The following DTNA variants were observed in gnomAD, a reference collection of about 807,000 sequenced individuals.
DTNA encodes the protein dystrophin-related protein 3.
DTNA carries 43 observed loss-of-function variants against 100.7 expected under a neutral mutation model. The ratio of observed to expected loss-of-function variants is 0.43; its 90% CI spans 0.33 to 0.55. DTNA has a LOEUF of 0.55. Among genes scored for constraint, DTNA ranks in the 20% least tolerant of loss-of-function variants. The pLI is 0.04. For missense variants in DTNA, 798 were observed against 953.9 expected (o/e 0.84, Z 2.15); for synonymous variants, 349 against 347.9 (o/e 1.00, Z -0.04).
At chr18:34,613,590 T>C (rs140423864) in intron 1 of DTNA, among the ~76,000 whole-genome samples, 103 of 152,294 alleles carry the variant, frequency 6.8e-4, no homozygotes, top group African/African-American at 2.4e-3. Flanking sequence ...ATTGCTGATA[T>C]AAAGAAAATT....
chr18:34,845,131 C>T (rs1304291216), intron 13 of DTNA, among the ~76,000 whole-genome samples: 2 of 152,122 alleles, frequency 1.3e-5, no homozygotes, highest in East Asian at 3.9e-4. Context: ...TCATTTTCAA[C>T]TATTTGTAAT....
At chr18:34,538,994 A>G (rs2043989998) in intron 1 of DTNA, among the ~76,000 whole-genome samples, 1 of 152,042 alleles carries the variant, frequency 6.6e-6, no homozygotes, top group Non-Finnish European at 1.5e-5. Context: ...GTTCAACAGA[A>G]CAAAAGGGAA....
intron 1 of DTNA, among the ~76,000 whole-genome samples, chr18:34,672,589 G>C (rs912395242): frequency 6.6e-6 from 1 of 152,114 alleles, no homozygotes; most frequent in Non-Finnish European, 1.5e-5. Context: ...GAATAAAGGA[G>C]CGTTCAGCCA....
At chr18:34,557,626 C>T (rs1446675061) in intron 1 of DTNA, among the ~76,000 whole-genome samples, 9 of 151,388 alleles carry the variant, frequency 5.9e-5, no homozygotes, top group Non-Finnish European at 1.0e-4. Flanking sequence ...AATACCCTGC[C>T]GTGTGAGGTG....
At chr18:34,875,150 C>T (rs1429322403) in intron 17 of DTNA, 89 bp from the exon 18 acceptor site, 7 of 1,544,082 alleles carry the variant, frequency 4.5e-6, no homozygotes, top group East Asian at 2.3e-5. Flanking sequence ...ATTTCATTGT[C>T]ACTGTTTTCA....
intron 3 of DTNA, among the ~76,000 whole-genome samples, chr18:34,773,810 G>T (rs1026061639): frequency 2.6e-5 from 4 of 152,182 alleles, no homozygotes; most frequent in African/African-American, 9.7e-5. Flanking sequence ...GAAAAGCAAT[G>T]ATTTTAAAGT....
intron 16 of DTNA, among the ~76,000 whole-genome samples, chr18:34,861,575 G>A (rs1048665125): frequency 6.7e-6 from 1 of 150,364 alleles, no homozygotes; most frequent in Non-Finnish European, 1.5e-5. Flanking sequence ...CAGAATAAAG[G>A]CACTTCTTTA....
intron 1 of DTNA, among the ~76,000 whole-genome samples, chr18:34,585,242 T>C (rs2049009853): frequency 6.6e-6 from 1 of 151,820 alleles, no homozygotes; most frequent in Non-Finnish European, 1.5e-5. Flanking sequence ...ACAAAAAGCA[T>C]GAGGGTACTA....
intron 4 of DTNA, among the ~76,000 whole-genome samples, chr18:34,802,081 G>A (rs1032710214): frequency 6.6e-6 from 1 of 152,222 alleles, no homozygotes; most frequent in African/African-American, 2.4e-5. Flanking sequence ...AATTGCACAT[G>A]AAGTTGAAGG....
chr18:34,703,897 T>C (rs1422972849), intron 1 of DTNA, among the ~76,000 whole-genome samples: 1 of 152,226 alleles, frequency 6.6e-6, no homozygotes, highest in African/African-American at 2.4e-5. Flanking sequence ...CCTTCTTTTC[T>C]ATTCTCCCCT....
chr18:34,890,552 G>A lies in DTNA; in HGVS notation c.*2818G>A, dbSNP rs1041213721. ...TTGCACATCCATCTCCATCAGAGCT[G>A]ATAGCCTGTTAATAAGCACTGGTCT... On this transcript the variant is annotated 3_prime_UTR_variant, in exon 23 of 23. Coordinates refer to ENST00000444659, the MANE Select transcript of DTNA (RefSeq NM_001386795.1). 1.5e-5 allele frequency: 22 copies of A among 1,467,492 alleles called. No individual in the cohort carries two copies. The highest frequency in any genetic ancestry group is 1.9e-5 in the Non-Finnish European group (21 of 1,098,076). The allele number at this position is 1,467,492 out of a possible 1,614,324, so 90.9% of individuals were successfully genotyped here. A position where few individuals can be genotyped will look rare whatever the true frequency, so the allele number is the denominator to read the frequency against.
chr18:34,866,657 A>T, intron 17 of DTNA: 2 of 1,008,246 alleles, frequency 2.0e-6, no homozygotes, highest in Non-Finnish European at 2.4e-6. Context: ...TCACACAATT[A>T]TTGAGCCTTG....
At chr18:34,721,377 C>T (rs1284556050) in intron 1 of DTNA, among the ~76,000 whole-genome samples, 1 of 152,116 alleles carries the variant, frequency 6.6e-6, no homozygotes, top group Non-Finnish European at 1.5e-5. Flanking sequence ...GTGTTAACTG[C>T]TTGATTATTG....
intron 3 of DTNA, among the ~76,000 whole-genome samples, chr18:34,779,541 AAAGTCTTTGCT>A (rs1370339027): frequency 1.3e-5 from 2 of 152,146 alleles, no homozygotes; most frequent in African/African-American, 4.8e-5. Context: ...GGCCCTTTCT[AAAGTCTTTGCT>A]CAGCATGGTC....
chr18:34,859,587 CT>C (rs2096593488), intron 16 of DTNA, among the ~76,000 whole-genome samples: 1 of 152,194 alleles, frequency 6.6e-6, no homozygotes, highest in Non-Finnish European at 1.5e-5. Context: ...ATCAGAAGTA[CT>C]TTCCATTATT....
intron 1 of DTNA, among the ~76,000 whole-genome samples, chr18:34,702,022 T>C (rs1298062643): frequency 6.6e-6 from 1 of 152,218 alleles, no homozygotes; most frequent in Non-Finnish European, 1.5e-5. Flanking sequence ...AGCTTTGTGC[T>C]GCCCTGAGAA....
At chr18:34,656,838 C>G (rs2074442886) in intron 1 of DTNA, among the ~76,000 whole-genome samples, 1 of 152,008 alleles carries the variant, frequency 6.6e-6, no homozygotes, top group Non-Finnish European at 1.5e-5. Flanking sequence ...GTCCAATAGT[C>G]TATTTTACGT....
intron 16 of DTNA, among the ~76,000 whole-genome samples, chr18:34,862,251 A>G (rs1282348823): frequency 6.6e-6 from 1 of 151,940 alleles, no homozygotes; most frequent in East Asian, 1.9e-4. Context: ...AGACTAAAAT[A>G]AGATACCATT....
At chr18:34,744,396 T>C (rs16965841) in intron 1 of DTNA, among the ~76,000 whole-genome samples, 16,736 of 152,150 alleles carry the variant, frequency 0.11, 1,312 homozygotes, top group African/African-American at 0.22. Context: ...GATATCATGA[T>C]TGTTAGGAAC....
Sources: gnomAD v4.1 joint callset for allele counts (sites outside exome capture counted in the v4.1 genomes callset) on GRCh38, gnomAD v4.1.1 for gene constraint, MANE v1.5 for transcripts, NCBI Gene and HGNC (gene_info 2026-07-23, HGNC 2026-07-21) for gene names.